The following VSTM2B variants were observed in gnomAD, a reference collection of about 807,000 sequenced individuals.
VSTM2B encodes V-set and transmembrane domain containing 2B.
In VSTM2B, 24 loss-of-function variants were observed where a neutral mutation model predicts 24.0. The ratio of observed to expected loss-of-function variants is 1.00; its 90% CI spans 0.72 to 1.40. VSTM2B has a LOEUF of 1.40. Ranked by LOEUF, VSTM2B falls within the 40% of genes most tolerant of loss-of-function variation. The probability of loss-of-function intolerance (pLI) is 0.00; values close to 1 mark genes in which losing one functional copy is unlikely to be tolerated. For missense variants in VSTM2B, 399 were observed against 416.4 expected (o/e 0.96, Z 0.36); for synonymous variants, 226 against 194.4 (o/e 1.16, Z -1.35).
intron 4 of VSTM2B, among the ~76,000 whole-genome samples, chr19:29,557,469 G>C (rs1970436285): frequency 6.6e-6 from 1 of 152,144 alleles, no homozygotes; most frequent in East Asian, 1.9e-4. Flanking sequence ...AGACCAAGGT[G>C]GGTGGATCAC....
chr19:29,530,019 C>G lies in VSTM2B; in HGVS notation c.498C>G (p.Ile166Met), dbSNP rs1173046884. 2 of 1,536,104 alleles carry G rather than the reference C, an allele frequency of 1.3e-6. No individual in the cohort carries two copies. Among genetic ancestry groups the G allele is most frequent in the African/African-American group, 2.8e-5 (2 of 72,604 alleles). Reference protein sequence around the residue: ...NMQAAEAVSHIQSSGPRRHGP... With the variant: ...NMQAAEAVSHMQSSGPRRHGP... The stretch of plus-strand genomic sequence containing the variant: ...AGGCCGCCGAGGCCGTGTCCCACAT[C>G]CAGAGCAGCGGCCCGCGTCGCCACG... The change falls in exon 4 of 5, where the codon ATC becomes ATG. Residue 166 changes from isoleucine (I) to methionine (M), a missense_variant. By Grantham distance (10) the Ile-to-Met change is conservative (BLOSUM62 1). Coordinates refer to ENST00000335523, the MANE Select transcript of VSTM2B (RefSeq NM_001146339.2).
At chr19:29,529,068 C>G in intron 3 of VSTM2B, 2 of 985,436 alleles carry the variant, frequency 2.0e-6, no homozygotes, top group Non-Finnish European at 2.4e-6. Context: ...CTGGAGATGA[C>G]GAAGCCTCCT....
intron 4 of VSTM2B, among the ~76,000 whole-genome samples, chr19:29,563,250 C>CTTTT (rs5827658): frequency 6.9e-6 from 1 of 144,788 alleles, no homozygotes; most frequent in Non-Finnish European, 1.5e-5. Flanking sequence ...AGCATATTGT[C>CTTTT]TTTTTTTTTT....
At chr19:29,554,098 G>A (rs1344002303) in intron 4 of VSTM2B, among the ~76,000 whole-genome samples, 1 of 152,088 alleles carries the variant, frequency 6.6e-6, no homozygotes, top group Non-Finnish European at 1.5e-5. Context: ...TCCATGAGAA[G>A]ATCAACCCCA....
At chr19:29,544,525 CAAAAAAAAAAA>C (rs58540469) in intron 4 of VSTM2B, among the ~76,000 whole-genome samples, 14 of 54,356 alleles carry the variant, frequency 2.6e-4, no homozygotes, top group Middle Eastern at 0.018. Flanking sequence ...GACTCTGTCT[CAAAAAAAAAAA>C]AAAAAAAAAA....
intron 4 of VSTM2B, among the ~76,000 whole-genome samples, chr19:29,530,859 C>G (rs943239608): frequency 1.3e-5 from 2 of 152,126 alleles, no homozygotes; most frequent in Admixed American, 6.5e-5. Flanking sequence ...GCTCTGCACT[C>G]TGCTGTAAAT....
intron 4 of VSTM2B, among the ~76,000 whole-genome samples, chr19:29,559,471 G>A (rs192251463): frequency 6.6e-6 from 1 of 152,196 alleles, no homozygotes; most frequent in Non-Finnish European, 1.5e-5. Flanking sequence ...GGGTTGAAAG[G>A]CTAGGGGAGG....
At chr19:29,529,069 G>A in intron 3 of VSTM2B, 5 of 985,462 alleles carry the variant, frequency 5.1e-6, no homozygotes, top group Non-Finnish European at 6.0e-6. Flanking sequence ...TGGAGATGAC[G>A]AAGCCTCCTC....
In VSTM2B at chr19:29,526,924, C is replaced by A. The variant is rs1456905136; in HGVS notation, c.82+259C>A. On this transcript the variant is annotated intron_variant, in intron 1 of 4. Transcript: ENST00000335523. This position sits in a 1 kb window ranked among gnomAD's most constrained non-coding sequence, Gnocchi z 4.1. ...CCTGCGGGGAGCGGGAGTAGGCGCG[C>A]CCCAGCCAGGCTCTGGCGGTGCGGC... 1 of 473,312 alleles carries A rather than the reference C, an allele frequency of 2.1e-6. No individual in the cohort carries two copies. Among genetic ancestry groups the A allele is most frequent in the African/African-American group, 2.1e-5 (1 of 48,602 alleles). 29.3% of individuals were successfully genotyped at this position (473,312 alleles called of 1,614,324 possible).
intron 4 of VSTM2B, among the ~76,000 whole-genome samples, chr19:29,551,894 G>A (rs1322039259): frequency 1.3e-5 from 2 of 152,208 alleles, no homozygotes; most frequent in Non-Finnish European, 2.9e-5. Context: ...TCCACGCCAT[G>A]TAAAAAAAGA....
At chr19:29,529,142 C>T (rs902321836) in intron 3 of VSTM2B, 2 of 984,960 alleles carry the variant, frequency 2.0e-6, no homozygotes, top group African/African-American at 1.7e-5. Flanking sequence ...AGCAGTACTT[C>T]CCGAAGTCCC....
At chr19:29,544,681 G>A (rs564866726) in intron 4 of VSTM2B, among the ~76,000 whole-genome samples, 6 of 152,236 alleles carry the variant, frequency 3.9e-5, no homozygotes, top group Non-Finnish European at 7.4e-5. Context: ...TGGCAGTGTT[G>A]GGAAGCTGGA....
intron 4 of VSTM2B, among the ~76,000 whole-genome samples, chr19:29,534,295 C>A (rs182124640): frequency 3.9e-5 from 6 of 152,274 alleles, no homozygotes; most frequent in African/African-American, 1.4e-4. Flanking sequence ...CCTGTCTGGG[C>A]CTCCCTTTGG....
At position 29,563,893 on chromosome 19, in the gene VSTM2B, T is replaced by G; in HGVS notation, c.817T>G (p.Leu273Val). 3 of 1,552,338 alleles carry G rather than the reference T, an allele frequency of 1.9e-6. No homozygotes were observed. In the East Asian group the frequency reaches 7.3e-5, roughly 38 times the overall value. The change falls in exon 5 of 5, where the codon TTA (leucine) becomes GTA (valine). Residue 273 changes from leucine (L) to valine (V), a missense_variant. Physicochemically the swap from Leu to Val is conservative, Grantham distance 32. Transcript: ENST00000335523. ...TTDPLLSLLL[L>V]ALHKFLRLLL... ...AGACCCACTCTTGTCCCTGCTCCTG[T>G]TAGCTCTGCATAAGTTCCTGCGCCT...
chr19:29,556,825 G>A (rs1970420299), intron 4 of VSTM2B, among the ~76,000 whole-genome samples: 1 of 152,200 alleles, frequency 6.6e-6, no homozygotes. Flanking sequence ...CAGCTGACAA[G>A]AGAAGTGAAG....
chr19:29,527,508 G>C (rs962842581), intron 2 of VSTM2B, 113 bp downstream of exon 2: 2 of 962,380 alleles, frequency 2.1e-6, no homozygotes, highest in African/African-American at 1.7e-5. Flanking sequence ...CCGCCCTGTG[G>C]CGCAGCCCAT....
chr19:29,553,050 ATCTGGGCAG>A (rs1264763837), intron 4 of VSTM2B, among the ~76,000 whole-genome samples: 1 of 152,120 alleles, frequency 6.6e-6, no homozygotes, highest in Non-Finnish European at 1.5e-5. Flanking sequence ...GCTCTGAGGA[ATCTGGGCAG>A]TCTGGACAAG....
chr19:29,554,955 C>A (rs148908263), intron 4 of VSTM2B, among the ~76,000 whole-genome samples: 103 of 152,260 alleles, frequency 6.8e-4, no homozygotes, highest in African/African-American at 2.5e-3. Flanking sequence ...GACTCCCACA[C>A]AATAATAGTG....
In VSTM2B at chr19:29,528,444, G is replaced by A. The variant is rs781771898; in HGVS notation, c.279G>A (p.Lys93=). ...TCTTTGCATTTTAGGTAACAAATAA[G>A]GATGCAACTAAAATCAGCGTAAGTG... ...VPGARSKVTN[K]DATKISTVRV... is the part of the protein sequence containing the mutation. Residue 93 remains lysine (K), a synonymous_variant, in exon 3 of 5, where the codon AAG becomes AAA. Transcript: ENST00000335523. The A allele has an allele frequency of 2.6e-6, 4 of 1,551,088 alleles. No individual in the cohort carries two copies. The highest frequency in any genetic ancestry group is 3.5e-6 in the Non-Finnish European group (4 of 1,146,992).
Sources: allele counts gnomAD v4.1 joint callset (sites outside exome capture counted in the v4.1 genomes callset), GRCh38; gene constraint gnomAD v4.1.1; non-coding constraint Gnocchi (gnomAD v3.1); transcripts MANE v1.5; gene names NCBI Gene and HGNC (gene_info 2026-07-23, HGNC 2026-07-21).